The following FER variants were observed in gnomAD, a reference collection of about 807,000 sequenced individuals.
FER encodes the protein tyrosine-protein kinase Fer.
FER carries 63 observed loss-of-function variants against 111.0 expected under a neutral mutation model. That is an observed-to-expected ratio of 0.57 (90% confidence interval 0.46 to 0.70). The LOEUF is 0.70. Ranked by LOEUF, FER falls within the 30% of genes least tolerant of loss-of-function variation. The pLI is 0.00. For synonymous variants in FER, 327 were observed against 313.9 expected, an observed-to-expected ratio of 1.04 and a Z score of -0.44; for missense variants, 914 against 954.0, an observed-to-expected ratio of 0.96 and a Z score of 0.55.
At chr5:109,165,107 T>C (rs964360495) in intron 17 of FER, among the ~76,000 whole-genome samples, 4 of 152,176 alleles carry the variant, frequency 2.6e-5, no homozygotes, top group Non-Finnish European at 4.4e-5. Context: ...AATTCTTGTC[T>C]TTTGTTGTTC....
intron 5 of FER, among the ~76,000 whole-genome samples, chr5:108,852,989 C>G (rs996364327): frequency 3.3e-5 from 5 of 151,952 alleles, no homozygotes; most frequent in African/African-American, 1.2e-4. Context: ...GATAAGTAAA[C>G]AAAGCTAAGT....
intron 17 of FER, among the ~76,000 whole-genome samples, chr5:109,147,741 A>G (rs944030756): frequency 9.2e-5 from 14 of 151,364 alleles, no homozygotes; most frequent in Admixed American, 9.2e-4. Flanking sequence ...ACATGCAAAC[A>G]TGTATGTTCT....
chr5:108,844,678 C>G (rs1364882966), intron 5 of FER, among the ~76,000 whole-genome samples: 7 of 151,880 alleles, frequency 4.6e-5, no homozygotes, highest in African/African-American at 1.7e-4. Context: ...TCTTCTATCT[C>G]GAGGCAACTA....
intron 13 of FER, among the ~76,000 whole-genome samples, chr5:108,970,646 C>T (rs541102053): frequency 5.3e-5 from 8 of 151,884 alleles, no homozygotes; most frequent in Non-Finnish European, 7.4e-5. Flanking sequence ...GTATGTGTTA[C>T]GGGAATTCAG....
chr5:108,795,166 A>T (rs927344692), intron 2 of FER, among the ~76,000 whole-genome samples: 1 of 152,196 alleles, frequency 6.6e-6, no homozygotes, highest in Non-Finnish European at 1.5e-5. Context: ...TTTACAAAAA[A>T]ATTTTAAAAT....
intron 1 of FER, among the ~76,000 whole-genome samples, chr5:108,758,888 C>T (rs1185703612): frequency 6.6e-6 from 1 of 152,124 alleles, no homozygotes; most frequent in African/African-American, 2.4e-5. Flanking sequence ...GCATACATTT[C>T]CTCCTTTGTA....
intron 17 of FER, among the ~76,000 whole-genome samples, chr5:109,152,688 A>G (rs1222761882): frequency 6.6e-6 from 1 of 151,954 alleles, no homozygotes; most frequent in Non-Finnish European, 1.5e-5. Context: ...AATTATGTGT[A>G]TATACATGCC....
chr5:108,835,602 C>A, intron 4 of FER, 106 bp from the exon 5 acceptor site: 1 of 634,540 alleles, frequency 1.6e-6, no homozygotes, highest in South Asian at 2.0e-5. Context: ...ACAACTCTGA[C>A]CTGTAAGTAG....
intron 11 of FER, 55 bp downstream of exon 11, chr5:108,946,277 C>A: frequency 8.9e-7 from 1 of 1,126,126 alleles, no homozygotes; most frequent in Non-Finnish European, 1.3e-6. Context: ...TAGCTTCTTT[C>A]TGATGCACTA....
intron 3 of FER, among the ~76,000 whole-genome samples, chr5:108,800,727 T>C (rs1756548155): frequency 6.6e-6 from 1 of 152,240 alleles, no homozygotes; most frequent in Non-Finnish European, 1.5e-5. Context: ...AAAAGAGGAT[T>C]GTGCTTTTCG....
At chr5:108,935,025 A>G (rs1219947688) in intron 10 of FER, among the ~76,000 whole-genome samples, 1 of 152,132 alleles carries the variant, frequency 6.6e-6, no homozygotes, top group East Asian at 1.9e-4. Flanking sequence ...TGATTAATAT[A>G]TTACATATAG....
rs1442853431 is a variant in FER, at chr5:109,195,759, TTCA to T, written c.*8189_*8191del. The T allele has an allele frequency of 6.6e-6, 1 of 152,218 alleles. No individual in the cohort carries two copies. Among genetic ancestry groups the T allele is most frequent in the African/African-American group, 2.4e-5 (1 of 41,460 alleles). 9.4% of individuals were successfully genotyped at this position (152,218 alleles called of 1,614,324 possible). A position where few individuals can be genotyped will look rare whatever the true frequency, so the allele number is the denominator to read the frequency against. ...GGAGCATATTTATGGGCCATTTCTG[TTCA>T]TCATTCTTTACAGAGCATTGAGGTT... On this transcript the variant is annotated 3_prime_UTR_variant, in exon 20 of 20. Coordinates refer to ENST00000281092, the MANE Select transcript of FER (RefSeq NM_005246.4).
intron 16 of FER, among the ~76,000 whole-genome samples, chr5:109,065,341 A>G (rs748484830): frequency 1.1e-4 from 16 of 152,236 alleles, no homozygotes; most frequent in Middle Eastern, 3.2e-3. Flanking sequence ...TCCTGCTTGC[A>G]CTGATGTACC....
intron 2 of FER, chr5:108,784,396 A>G (rs1175619128): frequency 1.3e-5 from 2 of 153,758 alleles, no homozygotes; most frequent in Admixed American, 6.5e-5. Flanking sequence ...CCGTGAGACA[A>G]TTTGTGGGCC....
intron 3 of FER, among the ~76,000 whole-genome samples, chr5:108,810,102 T>A (rs370461112): frequency 7.2e-5 from 11 of 152,210 alleles, no homozygotes; most frequent in Admixed American, 3.9e-4. Flanking sequence ...TGTTATTTTT[T>A]AATTTCTCTT....
Position 108,897,688 on chromosome 5 carries a change from C to T in FER, c.1076C>T (p.Ala359Val), listed in dbSNP as rs376917767. ...GTGCTTCTGCTAAGCCAAAAACAGG[C>T]ACTTGAAGAACTGAAACAGTCAGTC... ...DIVLLLSQKQ[A>V]LEELKQSVQQ... Residue 359 changes from alanine to valine, a missense_variant, in exon 10 of 20, where the codon GCA (alanine) becomes GTA (valine). Around this residue, in one of 3 missense-constraint regions of FER, gnomAD observed 774 missense variants for 782.6 expected, o/e 0.99. Transcript: ENST00000281092. 3.1e-6 allele frequency: 5 copies of T among 1,601,014 alleles called. No homozygotes were observed. The highest frequency in any genetic ancestry group is 4.3e-6 in the Non-Finnish European group (5 of 1,175,400).
chr5:108,810,345 CAATT>C (rs1265108816), intron 3 of FER, among the ~76,000 whole-genome samples: 3 of 152,180 alleles, frequency 2.0e-5, no homozygotes, highest in Non-Finnish European at 4.4e-5. Context: ...TTGCCTCAGG[CAATT>C]GATTGATCCG....
chr5:109,132,672 G>T (rs1348900089), intron 17 of FER, among the ~76,000 whole-genome samples: 1 of 152,132 alleles, frequency 6.6e-6, no homozygotes, highest in Non-Finnish European at 1.5e-5. Flanking sequence ...TGTCCAAGAG[G>T]CCTCAGACAA....
rs1232242879 is a variant in FER, at chr5:108,940,522, G to A, written c.1237-5608G>A. Among the ~76,000 whole-genome samples the A allele has an allele frequency of 2.6e-5, 4 of 152,168 alleles. No homozygotes were observed. The East Asian group carries it at 7.7e-4, about 29-fold the overall frequency. ...CTAAATGAACCTACATCCAGAAAGT[G>A]ACAGGCCTTTTACAGGAAAAAATAG... On this transcript the variant is annotated intron_variant, in intron 10 of 19. Coordinates refer to ENST00000281092, the MANE Select transcript of FER (RefSeq NM_005246.4).
Sources: gnomAD v4.1 joint callset for allele counts (sites outside exome capture counted in the v4.1 genomes callset) on GRCh38, gnomAD v4.1.1 for gene constraint, gnomAD v4.1.1 regional missense constraint, MANE v1.5 for transcripts, NCBI Gene and HGNC (gene_info 2026-07-23, HGNC 2026-07-21) for gene names.